The following CTNNA1 variants were observed in gnomAD, a reference collection of about 807,000 sequenced individuals.
The protein encoded by CTNNA1 is catenin alpha-1.
In CTNNA1, 37 loss-of-function variants were observed where a neutral mutation model predicts 98.4. The observed-to-expected ratio is 0.38, with a 90% CI of 0.29 to 0.49. CTNNA1 has a LOEUF of 0.49. CTNNA1 is among the 20% of genes least tolerant of loss of function. The pLI is 0.95. For missense variants in CTNNA1, 761 were observed against 1,147.2 expected (o/e 0.66, Z 4.86); for synonymous variants, 404 against 413.2 (o/e 0.98, Z 0.27).
intron 1 of CTNNA1, among the ~76,000 whole-genome samples, chr5:138,778,384 G>A (rs972263509): frequency 6.6e-6 from 1 of 152,156 alleles, no homozygotes; most frequent in South Asian, 2.1e-4. Flanking sequence ...TTGAGGTTAT[G>A]TAATTTTCAG....
At chr5:138,839,663 G>A (rs781025592) in intron 7 of CTNNA1, among the ~76,000 whole-genome samples, 10 of 152,034 alleles carry the variant, frequency 6.6e-5, no homozygotes, top group Non-Finnish European at 1.0e-4. Flanking sequence ...TTGTAGATTC[G>A]ACCATTCTTT....
chr5:138,888,652 A>G (rs566357587), intron 9 of CTNNA1, among the ~76,000 whole-genome samples: 5 of 152,188 alleles, frequency 3.3e-5, no homozygotes, highest in Non-Finnish European at 7.4e-5. Context: ...GGTTCAAGCA[A>G]TTCTCCTGCC....
At chr5:138,918,457 A>G (rs1384037340) in intron 11 of CTNNA1, among the ~76,000 whole-genome samples, 1 of 152,200 alleles carries the variant, frequency 6.6e-6, no homozygotes, top group Non-Finnish European at 1.5e-5. Context: ...TACTTTTCCA[A>G]AGACTTTCTG....
intron 3 of CTNNA1, among the ~76,000 whole-genome samples, chr5:138,798,819 G>A (rs890528182): frequency 6.6e-6 from 1 of 152,154 alleles, no homozygotes; most frequent in African/African-American, 2.4e-5. Context: ...AGTAGATGTA[G>A]TGTAGTTGAC....
intron 9 of CTNNA1, among the ~76,000 whole-genome samples, chr5:138,891,765 TAAATA>T (rs10564974): frequency 0.014 from 2,098 of 151,958 alleles, 52 homozygotes; most frequent in African/African-American, 0.047. Flanking sequence ...TCTCAAAAAA[TAAATA>T]AAATAACAAC....
intron 5 of CTNNA1, among the ~76,000 whole-genome samples, chr5:138,819,435 G>A (rs1056525626): frequency 4.6e-5 from 7 of 152,196 alleles, no homozygotes; most frequent in Admixed American, 6.5e-5. Flanking sequence ...CCTGTACGGC[G>A]AATGTCTCTG....
intron 7 of CTNNA1, among the ~76,000 whole-genome samples, chr5:138,851,938 CG>C (rs1158983970): frequency 1.3e-5 from 2 of 151,694 alleles, no homozygotes; most frequent in East Asian, 3.9e-4. Flanking sequence ...GGCATGATGG[CG>C]CGTGCCTGTA....
chr5:138,786,956 C>T (rs1561525509), intron 3 of CTNNA1, among the ~76,000 whole-genome samples: 1 of 152,200 alleles, frequency 6.6e-6, no homozygotes, highest in Non-Finnish European at 1.5e-5. Context: ...TTACGTAAAA[C>T]CCTGACCTAA....
chr5:138,931,740 G>A (rs1234890808), intron 16 of CTNNA1: 1 of 985,318 alleles, frequency 1.0e-6, no homozygotes, highest in Non-Finnish European at 1.2e-6. Context: ...ACTGTCATCT[G>A]AAAATGCAGA....
intron 9 of CTNNA1, among the ~76,000 whole-genome samples, chr5:138,893,405 C>G (rs1446656540): frequency 6.6e-6 from 1 of 151,968 alleles, no homozygotes; most frequent in Non-Finnish European, 1.5e-5. Flanking sequence ...GTGTTTGGCT[C>G]TTATGTATGG....
chr5:138,799,857 GATGTATGTATGT>G (rs55698183), intron 3 of CTNNA1, among the ~76,000 whole-genome samples: 4 of 149,134 alleles, frequency 2.7e-5, no homozygotes, highest in South Asian at 2.2e-4. Flanking sequence ...AGTAGATGTA[GATGTATGTATGT>G]ATGTATGTAT....
At chr5:138,831,275 C>T (rs1166222030) in intron 7 of CTNNA1, among the ~76,000 whole-genome samples, 2 of 152,212 alleles carry the variant, frequency 1.3e-5, no homozygotes, top group African/African-American at 4.8e-5. Flanking sequence ...AGTCCTTGGG[C>T]AACTTTGATG....
chr5:138,856,140 TA>T (rs1346827376), intron 7 of CTNNA1, among the ~76,000 whole-genome samples: 2 of 152,228 alleles, frequency 1.3e-5, no homozygotes, highest in Admixed American at 6.5e-5. Context: ...GGGCTTTTAT[TA>T]AAATTATATT....
At chr5:138,783,540 TCA>T (rs1315768388) in intron 3 of CTNNA1, among the ~76,000 whole-genome samples, 168 bp downstream of exon 3, 1 of 152,194 alleles carries the variant, frequency 6.6e-6, no homozygotes, top group Non-Finnish European at 1.5e-5. Flanking sequence ...ATTTTAATTC[TCA>T]TTCTTATGCT....
At chr5:138,794,568 T>A (rs1310160446) in intron 3 of CTNNA1, among the ~76,000 whole-genome samples, 4 of 152,248 alleles carry the variant, frequency 2.6e-5, no homozygotes, top group African/African-American at 9.6e-5. Context: ...ACGTGGGTTA[T>A]GCCAAATATA....
intron 3 of CTNNA1, among the ~76,000 whole-genome samples, chr5:138,807,475 G>C (rs1330375952): frequency 6.6e-6 from 1 of 151,982 alleles, no homozygotes; most frequent in East Asian, 1.9e-4. Context: ...AGTTGTTAGT[G>C]CTTCCTCCTT....
At chr5:138,847,045 T>C (rs1762782685) in intron 7 of CTNNA1, among the ~76,000 whole-genome samples, 1 of 152,234 alleles carries the variant, frequency 6.6e-6, no homozygotes, top group African/African-American at 2.4e-5. Flanking sequence ...GGTATTTTGG[T>C]TGAAATATTG....
chr5:138,933,760 A>G, intron 17 of CTNNA1, 42 bp from the exon 18 acceptor site: 1 of 1,593,548 alleles, frequency 6.3e-7, no homozygotes, highest in Non-Finnish European at 8.6e-7. Context: ...ACGAGGCTGG[A>G]GGTCAGGCCG....
chr5:138,916,934 C>G (rs1195269058), intron 10 of CTNNA1, among the ~76,000 whole-genome samples: 1 of 151,900 alleles, frequency 6.6e-6, no homozygotes, highest in African/African-American at 2.4e-5. Context: ...GCCACCACAC[C>G]CGGCCAATTT....
Sources: allele counts gnomAD v4.1 joint callset (sites outside exome capture counted in the v4.1 genomes callset), GRCh38; gene constraint gnomAD v4.1.1; transcripts MANE v1.5; gene names NCBI Gene and HGNC (gene_info 2026-07-23, HGNC 2026-07-21).